Variants in CNTNAP2 observed in about 807,000 individuals in gnomAD.
CNTNAP2 encodes the protein contactin associated protein 2.
Under a neutral mutation model 155.2 loss-of-function variants are expected in CNTNAP2, and 98 were observed. That is an observed-to-expected ratio of 0.63 (90% CI 0.54 to 0.75). CNTNAP2 has a LOEUF of 0.75. Ranked by LOEUF, CNTNAP2 falls within the 30% of genes least tolerant of loss-of-function variation. The pLI is 0.00. For missense variants in CNTNAP2, 1,727 were observed against 1,688.1 expected (o/e 1.02, Z -0.40); for synonymous variants, 651 against 631.2 (o/e 1.03, Z -0.47).
At chr7:146,984,826 G>A (rs1798087900) in intron 3 of CNTNAP2, among the ~76,000 whole-genome samples, 1 of 152,164 alleles carries the variant, frequency 6.6e-6, no homozygotes, top group Non-Finnish European at 1.5e-5. Context: ...CTATAAATCA[G>A]TATTGAGGTC....
At chr7:147,407,430 T>G (rs1797024548) in intron 10 of CNTNAP2, among the ~76,000 whole-genome samples, 2 of 126,444 alleles carry the variant, frequency 1.6e-5, no homozygotes, top group Admixed American at 1.0e-4. Flanking sequence ...ATCATGCCAC[T>G]GCACTCCAGC....
intron 1 of CNTNAP2, among the ~76,000 whole-genome samples, chr7:146,286,472 T>C (rs1800338742): frequency 2.6e-5 from 4 of 152,120 alleles, no homozygotes; most frequent in Admixed American, 2.6e-4. Flanking sequence ...CCAGTCTACC[T>C]TTTTTTGTTG....
chr7:147,346,255 C>T (rs931486732), intron 9 of CNTNAP2, among the ~76,000 whole-genome samples: 3 of 150,600 alleles, frequency 2.0e-5, no homozygotes, highest in African/African-American at 7.3e-5. Flanking sequence ...CCCGGGTTCA[C>T]GCCATTCTCC....
At position 146,839,695 on chromosome 7, in the gene CNTNAP2, C is replaced by T. The variant is rs772481824; in HGVS notation, c.209-16C>T. ...TTAAATATTCATTTTCCCATCTTAC[C>T]TCTGCCCATCTTCAGGTGCTGGGGG... On this transcript the variant is annotated splice_polypyrimidine_tract_variant and intron_variant, in intron 2 of 23. Coordinates refer to ENST00000361727, the MANE Select transcript of CNTNAP2 (RefSeq NM_014141.6). The T allele has an allele frequency of 2.3e-5, 37 of 1,613,742 alleles. 1 individual carries two copies. Among genetic ancestry groups the T allele is most frequent in the Non-Finnish European group, 2.6e-5 (31 of 1,179,766 alleles).
chr7:147,946,014 C>T (rs559203362), intron 14 of CNTNAP2, among the ~76,000 whole-genome samples: 5 of 151,644 alleles, frequency 3.3e-5, no homozygotes, highest in South Asian at 2.1e-4. Flanking sequence ...ATTACAGATG[C>T]GCGCCACCAT....
At chr7:146,358,560 G>C (rs115665598) in intron 1 of CNTNAP2, among the ~76,000 whole-genome samples, 4,365 of 152,166 alleles carry the variant, frequency 0.029, 109 homozygotes, top group African/African-American at 0.065. Flanking sequence ...AAGATCAAAG[G>C]AAGATATTCC....
At chr7:147,421,585 C>CTGTGTGTG (rs55983110) in intron 10 of CNTNAP2, among the ~76,000 whole-genome samples, 7,422 of 143,566 alleles carry the variant, frequency 0.052, 262 homozygotes, top group African/African-American at 0.085. Context: ...TCTATCTAAT[C>CTGTGTGTG]TGTGTGTGTG....
chr7:147,307,016 T>C (rs1795041709), intron 9 of CNTNAP2, among the ~76,000 whole-genome samples: 1 of 152,250 alleles, frequency 6.6e-6, no homozygotes, highest in African/African-American at 2.4e-5. Context: ...TATTTAAGAA[T>C]AAATTAAGTC....
intron 15 of CNTNAP2, among the ~76,000 whole-genome samples, chr7:148,105,103 G>A (rs1019470436): frequency 1.3e-5 from 2 of 152,158 alleles, no homozygotes; most frequent in Admixed American, 6.6e-5. Flanking sequence ...GCAGAGGAGA[G>A]GAACACATGA....
intron 1 of CNTNAP2, among the ~76,000 whole-genome samples, chr7:146,149,524 TGACA>T: frequency 6.6e-6 from 1 of 152,028 alleles, no homozygotes; most frequent in Admixed American, 6.6e-5. Flanking sequence ...TACTTTTAAA[TGACA>T]TTATTTAGGA....
chr7:147,907,036 G>A (rs1488557714), intron 14 of CNTNAP2, among the ~76,000 whole-genome samples: 2 of 152,022 alleles, frequency 1.3e-5, no homozygotes, highest in Non-Finnish European at 2.9e-5. Flanking sequence ...ACTATAGCTT[G>A]AGCAAACTGA....
chr7:146,208,715 G>A (rs1194224719), intron 1 of CNTNAP2: 4 of 152,026 alleles, frequency 2.6e-5, no homozygotes, highest in Non-Finnish European at 5.9e-5. Context: ...ATTCACTCCT[G>A]GAACATGAAA....
At chr7:146,419,165 A>G (rs928161295) in intron 1 of CNTNAP2, among the ~76,000 whole-genome samples, 3 of 152,154 alleles carry the variant, frequency 2.0e-5, no homozygotes, top group African/African-American at 7.2e-5. Context: ...GTAGAAGGTG[A>G]AAGTCACATC....
Position 146,182,257 on chromosome 7 carries a change from A to AT in CNTNAP2, c.97+65288dup, listed in dbSNP as rs552971052. ...GAGAATCTTTTTGTTTGTTTGTTTG[A>AT]TTTTGTCTAGGTAGGATACTTCACT... On this transcript the variant is annotated intron_variant, in intron 1 of 23. Transcript: ENST00000361727. Among the ~76,000 whole-genome samples the AT allele has an allele frequency of 9.2e-5, 14 of 152,160 alleles. No homozygotes were observed. In the South Asian group the frequency reaches 1.7e-3, roughly 18 times the overall value.
At chr7:147,049,814 G>T (rs1020561735) in intron 4 of CNTNAP2, among the ~76,000 whole-genome samples, 1 of 152,158 alleles carries the variant, frequency 6.6e-6, no homozygotes, top group Admixed American at 6.5e-5. Flanking sequence ...CTGTTTGACT[G>T]TGTGTCTGGT....
intron 1 of CNTNAP2, among the ~76,000 whole-genome samples, chr7:146,360,605 A>G (rs1300713085): frequency 2.0e-5 from 3 of 152,158 alleles, no homozygotes; most frequent in Non-Finnish European, 4.4e-5. Context: ...TATTTGCCCT[A>G]AAGACCTTTA....
intron 1 of CNTNAP2, among the ~76,000 whole-genome samples, chr7:146,622,568 T>G (rs1341868898): frequency 6.6e-6 from 1 of 152,172 alleles, no homozygotes; most frequent in Non-Finnish European, 1.5e-5. Context: ...TTCATATTGA[T>G]GTATCCAACT....
chr7:148,018,059 C>T (rs374003984), intron 15 of CNTNAP2, among the ~76,000 whole-genome samples: 13 of 152,328 alleles, frequency 8.5e-5, no homozygotes, highest in East Asian at 1.9e-4. Context: ...CACACAGATT[C>T]CAAGAACTCT....
At chr7:147,674,274 C>T (rs1795833606) in intron 13 of CNTNAP2, among the ~76,000 whole-genome samples, 1 of 152,142 alleles carries the variant, frequency 6.6e-6, no homozygotes, top group African/African-American at 2.4e-5. Context: ...ACATATCCAG[C>T]AACATCTGAA....
Sources: allele counts gnomAD v4.1 joint callset (sites outside exome capture counted in the v4.1 genomes callset), GRCh38; gene constraint gnomAD v4.1.1; transcripts MANE v1.5; gene names NCBI Gene and HGNC (gene_info 2026-07-23, HGNC 2026-07-21).